RTN4: variants seen among roughly 807,000 people sequenced by gnomAD.
The protein encoded by RTN4 is reticulon 4.
A neutral mutation model predicts 90.4 loss-of-function variants in RTN4; 32 were observed. That is an observed-to-expected ratio of 0.35 (90% CI 0.27 to 0.48). The LOEUF (loss-of-function observed/expected upper bound fraction) is 0.48, where lower values mean the gene tolerates loss of function less well. RTN4 is among the 20% of genes least tolerant of loss of function. RTN4 has a pLI of 0.99. For missense variants in RTN4, 1,706 were observed against 1,430.2 expected (o/e 1.19, Z -3.11); for synonymous variants, 629 against 552.5 (o/e 1.14, Z -1.94).
the RTN4 span, among the ~76,000 whole-genome samples, chr2:55,126,118 C>G: frequency 6.7e-6 from 1 of 149,260 alleles, no homozygotes; most frequent in Non-Finnish European, 1.5e-5. Context: ...AATCCCAGCA[C>G]TTTGGGAGGC....
At chr2:55,015,160 G>A (rs1033962361) in intron 3 of RTN4, among the ~76,000 whole-genome samples, 4 of 151,994 alleles carry the variant, frequency 2.6e-5, no homozygotes, top group African/African-American at 4.8e-5. Context: ...ACCAACACCC[G>A]TAGTCTACAG....
intron 5 of RTN4, among the ~76,000 whole-genome samples, chr2:54,978,800 G>A (rs1664874028): frequency 6.6e-6 from 1 of 152,064 alleles, no homozygotes; most frequent in African/African-American, 2.4e-5. Context: ...CATCTCAACT[G>A]GAGAGACTGG....
chr2:55,098,831 G>C (rs1228299341), intron 1 of RTN4, among the ~76,000 whole-genome samples: 1 of 152,066 alleles, frequency 6.6e-6, no homozygotes, highest in African/African-American at 2.4e-5. Flanking sequence ...TCATAGTCTA[G>C]TTTTTTGCTG....
intron 3 of RTN4, among the ~76,000 whole-genome samples, chr2:54,992,158 T>A (rs1679062068): frequency 6.6e-6 from 1 of 152,094 alleles, no homozygotes; most frequent in African/African-American, 2.4e-5. Context: ...CCCTCATCTC[T>A]TAAACAAACA....
intron 3 of RTN4, among the ~76,000 whole-genome samples, chr2:55,002,904 T>C (rs976516131): frequency 2.6e-5 from 4 of 152,190 alleles, no homozygotes; most frequent in African/African-American, 9.7e-5. Context: ...CCTGCATAAA[T>C]AGAAACCTAA....
intron 1 of RTN4, among the ~76,000 whole-genome samples, chr2:55,032,393 T>C (rs1392008468): frequency 6.6e-6 from 1 of 151,782 alleles, no homozygotes; most frequent in Non-Finnish European, 1.5e-5. Context: ...TTAGCAAATA[T>C]TAAAATGAAA....
At chr2:55,006,676 T>C (rs866828039) in intron 3 of RTN4, among the ~76,000 whole-genome samples, 46 of 152,102 alleles carry the variant, frequency 3.0e-4, no homozygotes, top group African/African-American at 8.7e-4. Context: ...ATCCAAAGAG[T>C]ACTGTAACAA....
intron 2 of RTN4, among the ~76,000 whole-genome samples, chr2:55,065,095 T>C (rs956213717): frequency 6.6e-6 from 1 of 152,144 alleles, no homozygotes; most frequent in Non-Finnish European, 1.5e-5. Context: ...TTGATATCTG[T>C]AGCCTGAAAA....
chr2:54,991,108 A>G lies in RTN4; in HGVS notation c.3014-3410T>C, dbSNP rs550355693. On this transcript the variant is annotated intron_variant, in intron 3 of 8. Transcript: ENST00000337526. ...CTCAAATCTATTTTTCATATGAACAAATGCTCCTTTATAAAAGTGGTTCTC... is the reference window on the plus strand; with the variant it reads ...CTCAAATCTATTTTTCATATGAACAGATGCTCCTTTATAAAAGTGGTTCTC... Among the ~76,000 whole-genome samples, 5 of 152,258 alleles carry G rather than the reference A, an allele frequency of 3.3e-5. No homozygotes were observed. In the East Asian group the frequency reaches 9.6e-4, roughly 29 times the overall value.
At chr2:54,998,811 A>G (rs1371863523) in intron 3 of RTN4, among the ~76,000 whole-genome samples, 1 of 152,234 alleles carries the variant, frequency 6.6e-6, no homozygotes, top group Non-Finnish European at 1.5e-5. Flanking sequence ...TGGATTCCTC[A>G]GTAATCACTT....
chr2:55,121,517 T>C, the RTN4 span, among the ~76,000 whole-genome samples: 1 of 152,256 alleles, frequency 6.6e-6, no homozygotes. Context: ...TTCTGTTTAT[T>C]ACCAGTCTGT....
intron 3 of RTN4, among the ~76,000 whole-genome samples, chr2:54,994,016 A>C (rs1217591430): frequency 2.6e-5 from 4 of 152,240 alleles, no homozygotes; most frequent in Non-Finnish European, 5.9e-5. Flanking sequence ...TTTGCCAACA[A>C]AATTTCTAGT....
intron 1 of RTN4, among the ~76,000 whole-genome samples, chr2:55,031,996 A>G (rs1682348421): frequency 6.6e-6 from 1 of 152,262 alleles, no homozygotes; most frequent in Non-Finnish European, 1.5e-5. Flanking sequence ...AAATAAATTA[A>G]TGGACATGCA....
chr2:55,124,284 G>A, the RTN4 span, among the ~76,000 whole-genome samples: 3 of 152,164 alleles, frequency 2.0e-5, no homozygotes, highest in Admixed American at 1.3e-4. Flanking sequence ...CAGTCTTTCC[G>A]TCTAGATCCA....
chr2:54,993,073 C>T (rs1285122559), intron 3 of RTN4, among the ~76,000 whole-genome samples: 2 of 105,226 alleles, frequency 1.9e-5, no homozygotes, highest in Non-Finnish European at 3.5e-5. Flanking sequence ...GACTCCATCT[C>T]GGAAAAAAAA....
intron 1 of RTN4, among the ~76,000 whole-genome samples, chr2:55,095,631 G>T (rs190242691): frequency 2.6e-5 from 4 of 152,128 alleles, no homozygotes; most frequent in Admixed American, 2.0e-4. Context: ...CTCCCACCTC[G>T]GCACTCCCTA....
chr2:55,053,477 A>G (rs1668132544), upstream of RTN4, among the ~76,000 whole-genome samples: 1 of 151,842 alleles, frequency 6.6e-6, no homozygotes, highest in Non-Finnish European at 1.5e-5. Flanking sequence ...TCTTGAGGTC[A>G]GGAGTTTGAG....
At chr2:55,131,426 C>CT in the RTN4 span, among the ~76,000 whole-genome samples, 144,530 of 152,118 alleles carry the variant, frequency 0.95, 68,754 homozygotes, top group African/African-American at 0.98. Flanking sequence ...CCAGGCTGGT[C>CT]CTAACTCCTG....
At chr2:55,128,501 G>A in the RTN4 span, among the ~76,000 whole-genome samples, 2 of 152,028 alleles carry the variant, frequency 1.3e-5, no homozygotes, top group East Asian at 3.9e-4. Context: ...CCTAAGTCCC[G>A]AAGGCCTACC....
Sources: gnomAD v4.1 joint callset for allele counts (sites outside exome capture counted in the v4.1 genomes callset) on GRCh38, gnomAD v4.1.1 for gene constraint, MANE v1.5 for transcripts, NCBI Gene and HGNC (gene_info 2026-07-23, HGNC 2026-07-21) for gene names.